The following LRGUK variants were observed in gnomAD, a reference collection of about 807,000 sequenced individuals.
LRGUK encodes the protein leucine-rich repeat and guanylate kinase domain-containing protein.
LRGUK carries 65 observed loss-of-function variants against 76.0 expected under a neutral mutation model. The ratio of observed to expected loss-of-function variants is 0.85; its 90% CI spans 0.70 to 1.05. The LOEUF (loss-of-function observed/expected upper bound fraction) is 1.05. LRGUK is among the 50% of genes least tolerant of loss of function. The probability of loss-of-function intolerance (pLI) is 0.00; values close to 1 mark genes in which losing one functional copy is unlikely to be tolerated. For missense variants in LRGUK, 758 were observed against 732.8 expected, an observed-to-expected ratio of 1.03 and a Z score of -0.40; for synonymous variants, 268 against 265.6, an observed-to-expected ratio of 1.01 and a Z score of -0.09.
chr7:134,132,400 T>C (rs755289130), intron 1 of LRGUK, among the ~76,000 whole-genome samples: 15 of 151,672 alleles, frequency 9.9e-5, no homozygotes, highest in Non-Finnish European at 2.1e-4. Context: ...ACGCTACAAA[T>C]AGGTTAAGTG....
Position 134,139,630 on chromosome 7 carries a change from T to A in LRGUK, c.487+113T>A, listed in dbSNP as rs1797685059. The A allele has an allele frequency of 1.8e-5, 12 of 655,092 alleles. No individual in the cohort carries two copies. In the South Asian group the frequency reaches 2.7e-4, roughly 15 times the overall value. The allele number at this position is 655,092 out of a possible 1,614,324, so 40.6% of individuals were successfully genotyped here. The stretch of plus-strand genomic sequence containing the variant: ...TGATATCACTAATTTGTGTATCAAT[T>A]TACATATTGATCCTTTGCTTTCCAT... On this transcript the variant is annotated intron_variant, in intron 3 of 15. Coordinates refer to ENST00000645682, the Ensembl canonical transcript of LRGUK.
At chr7:134,235,667 C>G (rs1005152925) in intron 16 of LRGUK, among the ~76,000 whole-genome samples, 8 of 152,110 alleles carry the variant, frequency 5.3e-5, no homozygotes, top group African/African-American at 1.9e-4. Context: ...ATTGTTACTC[C>G]CTGATGTATT....
Position 134,241,525 on chromosome 7 carries a change from G to T in LRGUK, c.1984-6031G>T, listed in dbSNP as rs183387577. Among the ~76,000 whole-genome samples the T allele has an allele frequency of 8.7e-4, 133 of 152,240 alleles. 2 individuals carry two copies. Among genetic ancestry groups the T allele is most frequent in the Admixed American group, 6.5e-3 (99 of 15,280 alleles). ...GCTAACTGTCCTAAATATATATGCA[G>T]CCAATACAGGAGCACCCAGATTCAT... is the stretch of plus-strand genomic sequence containing the variant. On this transcript the variant is annotated intron_variant, in intron 16 of 19. Transcript: ENST00000285928.
the LRGUK span, among the ~76,000 whole-genome samples, chr7:134,275,743 A>G: frequency 6.6e-6 from 1 of 152,106 alleles, no homozygotes; most frequent in Non-Finnish European, 1.5e-5. Context: ...GTTTATCTGC[A>G]CTCCAATTTC....
chr7:134,139,373 C>G, intron 2 of LRGUK, 63 bp from the exon 3 acceptor site: 1 of 1,052,218 alleles, frequency 9.5e-7, no homozygotes, highest in Non-Finnish European at 1.4e-6. Flanking sequence ...AGAGTTATTG[C>G]AAGAAGGCTG....
chr7:134,220,329 A>G (rs1801555971), intron 15 of LRGUK, among the ~76,000 whole-genome samples: 2 of 152,160 alleles, frequency 1.3e-5, no homozygotes, highest in South Asian at 4.1e-4. Flanking sequence ...CTTCCTTACC[A>G]TGATTAAATA....
chr7:134,187,564 G>T (rs1800029893), intron 11 of LRGUK, among the ~76,000 whole-genome samples: 1 of 152,178 alleles, frequency 6.6e-6, no homozygotes, highest in African/African-American at 2.4e-5. Flanking sequence ...GAGAGATTTT[G>T]CTGTAGTTAG....
chr7:134,170,303 A>C (rs544849466), intron 7 of LRGUK, among the ~76,000 whole-genome samples: 1 of 152,118 alleles, frequency 6.6e-6, no homozygotes, highest in Non-Finnish European at 1.5e-5. Flanking sequence ...TTATTTTTAA[A>C]ATTTTTATGA....
At chr7:134,142,412 C>T (rs1797803227) in intron 3 of LRGUK, among the ~76,000 whole-genome samples, 1 of 152,108 alleles carries the variant, frequency 6.6e-6, no homozygotes, top group Non-Finnish European at 1.5e-5. Context: ...TAGCACTATC[C>T]TTTATTAGCA....
At chr7:134,209,459 C>A in exon 16 of LRGUK, 1 of 399,100 alleles carries the variant, frequency 2.5e-6, no homozygotes, top group Middle Eastern at 6.3e-4. Flanking sequence ...AGAACTGCCA[C>A]ATCCCCAAGA....
Position 134,209,629 on chromosome 7 carries a change from G to A in LRGUK, c.2766G>A (p.Glu922=), listed in dbSNP as rs1801159790. Residue 922 remains glutamate, a synonymous_variant, in exon 16 of 16, where the codon GAG becomes GAA. Transcript: ENST00000645682. The stretch of plus-strand genomic sequence containing the variant: ...AACTCCTATCGCCCAGCAGGGAAGA[G>A]GCTTTAGGAACAACCTCCCATCAAA... The A allele has an allele frequency of 1.3e-5, 5 of 399,000 alleles. No homozygotes were observed. The Admixed American group carries it at 2.2e-4, about 18-fold the overall frequency. The allele number at this position is 399,000 out of a possible 1,614,324, so 24.7% of individuals were successfully genotyped here. A position where few individuals can be genotyped will look rare whatever the true frequency, so the allele number is the denominator to read the frequency against.
chr7:134,139,665 G>C (rs11981906), intron 3 of LRGUK, 148 bp downstream of exon 3: 68,027 of 548,468 alleles, frequency 0.12, 5,561 homozygotes, highest in East Asian at 0.33. Flanking sequence ...TGTAAAAAAG[G>C]CACCGATAAC....
the LRGUK span, among the ~76,000 whole-genome samples, chr7:134,274,551 T>G: frequency 2.6e-5 from 4 of 152,178 alleles, no homozygotes; most frequent in Non-Finnish European, 2.9e-5. Context: ...ACTTGTTCTG[T>G]AATAGATGGT....
intron 13 of LRGUK, among the ~76,000 whole-genome samples, chr7:134,198,917 T>G (rs991679484): frequency 1.3e-5 from 2 of 152,210 alleles, no homozygotes; most frequent in Non-Finnish European, 2.9e-5. Context: ...AATATTGCTA[T>G]GAATGTACCT....
intron 16 of LRGUK, among the ~76,000 whole-genome samples, chr7:134,223,967 A>T (rs959472065): frequency 2.0e-5 from 3 of 152,048 alleles, no homozygotes; most frequent in Admixed American, 2.0e-4. Context: ...ATCTTGCTAT[A>T]CCTGGGGTAA....
the LRGUK span, among the ~76,000 whole-genome samples, chr7:134,270,420 T>G: frequency 6.6e-6 from 1 of 152,116 alleles, no homozygotes; most frequent in East Asian, 1.9e-4. Context: ...GCCCATAATA[T>G]ATCCACTTTA....
chr7:134,264,250 T>A lies in LRGUK; in HGVS notation c.*275T>A, dbSNP rs931376185. 1.0e-5 allele frequency: 3 copies of A among 290,198 alleles called. No individual in the cohort carries two copies. In the Admixed American group the frequency reaches 1.5e-4, roughly 15 times the overall value. 18.0% of individuals were successfully genotyped at this position (290,198 alleles called of 1,614,324 possible). ...TTAGCTTTTAAAAATGTCATTTCAT[T>A]TTTTTTTCTATAGCTATAAATAATT... is the stretch of plus-strand genomic sequence containing the variant. On this transcript the variant is annotated 3_prime_UTR_variant, in exon 20 of 20. Coordinates refer to the LRGUK transcript ENST00000285928.
chr7:134,139,626 C>T, intron 3 of LRGUK, 109 bp downstream of exon 3: 1 of 668,368 alleles, frequency 1.5e-6, no homozygotes, highest in Non-Finnish European at 2.5e-6. Flanking sequence ...ATTTGTGTAT[C>T]AATTTACATA....
At chr7:134,253,839 T>A (rs1802506616) in intron 18 of LRGUK, among the ~76,000 whole-genome samples, 1 of 152,206 alleles carries the variant, frequency 6.6e-6, no homozygotes, top group South Asian at 2.1e-4. Context: ...TTTAACTATA[T>A]AGAGACAGCA....
Sources: allele counts gnomAD v4.1 joint callset (sites outside exome capture counted in the v4.1 genomes callset), GRCh38; gene constraint gnomAD v4.1.1; transcripts MANE v1.5; gene names NCBI Gene and HGNC (gene_info 2026-07-23, HGNC 2026-07-21).